TAFA4: variants seen among roughly 807,000 people sequenced by gnomAD.
The protein encoded by TAFA4 is TAFA chemokine like family member 4.
TAFA4 carries 20 observed loss-of-function variants against 21.1 expected under a neutral mutation model. The ratio of observed to expected loss-of-function variants is 0.95; its 90% confidence interval spans 0.67 to 1.38. The LOEUF (loss-of-function observed/expected upper bound fraction) is 1.38, where lower values mean the gene tolerates loss of function less well. TAFA4 is among the 40% of genes most tolerant of loss of function. The pLI is 0.00. For missense variants in TAFA4, 211 were observed against 180.9 expected (o/e 1.17, Z -0.95); for synonymous variants, 71 against 67.4 (o/e 1.05, Z -0.26).
chr3:68,801,681 A>G (rs1023963737), intron 3 of TAFA4, among the ~76,000 whole-genome samples: 1 of 152,190 alleles, frequency 6.6e-6, no homozygotes, highest in Admixed American at 6.5e-5. Context: ...AACAGTAAAT[A>G]TTTTAGGCTT....
At chr3:68,743,649 T>G (rs373281662) in intron 4 of TAFA4, among the ~76,000 whole-genome samples, 1 of 152,106 alleles carries the variant, frequency 6.6e-6, no homozygotes, top group East Asian at 1.9e-4. Flanking sequence ...CCCTTGCAGC[T>G]TCATGGAGCT....
chr3:68,783,713 A>AAG (rs1553641277), intron 3 of TAFA4, among the ~76,000 whole-genome samples: 5,728 of 79,816 alleles, frequency 0.072, 641 homozygotes, highest in African/African-American at 0.23. Context: ...GAGAGAAAGA[A>AAG]AAAGAAAGAA....
chr3:68,808,440 T>A (rs1703751523), intron 3 of TAFA4, among the ~76,000 whole-genome samples: 1 of 152,180 alleles, frequency 6.6e-6, no homozygotes, highest in African/African-American at 2.4e-5. Flanking sequence ...CCAAATTATC[T>A]TCAAGTGTTG....
chr3:68,785,528 C>T (rs1303270852), intron 3 of TAFA4, among the ~76,000 whole-genome samples: 1 of 152,244 alleles, frequency 6.6e-6, no homozygotes, highest in Non-Finnish European at 1.5e-5. Flanking sequence ...GTGCTAAGCC[C>T]CTCACTGCCC....
chr3:68,805,416 A>G (rs1346271002), intron 3 of TAFA4, among the ~76,000 whole-genome samples: 1 of 152,258 alleles, frequency 6.6e-6, no homozygotes, highest in Non-Finnish European at 1.5e-5. Context: ...AGGATCTAGA[A>G]CTAGAAATAC....
intron 1 of TAFA4, among the ~76,000 whole-genome samples, chr3:68,910,829 C>T (rs1352030364): frequency 6.6e-6 from 1 of 152,150 alleles, no homozygotes; most frequent in African/African-American, 2.4e-5. Context: ...ATCTCATGTG[C>T]AATCAGATTC....
intron 3 of TAFA4, among the ~76,000 whole-genome samples, chr3:68,820,443 T>C (rs546415988): frequency 8.6e-5 from 13 of 151,876 alleles, no homozygotes; most frequent in African/African-American, 2.9e-4. Context: ...CTTTGGGAGG[T>C]TGAGGCAGGG....
intron 3 of TAFA4, among the ~76,000 whole-genome samples, chr3:68,796,938 G>A (rs1703463612): frequency 6.6e-6 from 1 of 152,034 alleles, no homozygotes; most frequent in Non-Finnish European, 1.5e-5. Flanking sequence ...ACAAAAACCT[G>A]CTCCCTTTCA....
rs577669086 is a variant in TAFA4, at chr3:68,806,665, A to T, written c.131-53647T>A. Among the ~76,000 whole-genome samples, 18 of 152,226 alleles carry T rather than the reference A, an allele frequency of 1.2e-4. 1 individual carries two copies. Among genetic ancestry groups the T allele is most frequent in the African/African-American group, 4.3e-4 (18 of 41,552 alleles). On this transcript the variant is annotated intron_variant, in intron 3 of 5. Transcript: ENST00000295569. ...CAATATGATGGTGGTAGAAGGTAGG[A>T]CTTCTGGGAGGTAATTAGAATTAGA...
intron 3 of TAFA4, among the ~76,000 whole-genome samples, chr3:68,767,078 T>A (rs1275569549): frequency 2.6e-5 from 4 of 152,184 alleles, no homozygotes; most frequent in Non-Finnish European, 5.9e-5. Flanking sequence ...TTTATTTCAA[T>A]AGCTTTTGGA....
chr3:68,900,086 A>C lies in TAFA4; in HGVS notation c.-122-14776T>G, dbSNP rs1486678702. ...AAACCCTGTCTCTACACACACAAAA[A>C]AAAAAAAAAAACACAAAAATTAGCT... On this transcript the variant is annotated intron_variant, in intron 1 of 5. Coordinates refer to ENST00000295569, the MANE Select transcript of TAFA4 (RefSeq NM_182522.5). 4.5e-4 allele frequency among the ~76,000 whole-genome samples: 63 copies of C among 141,342 alleles called. 1 individual carries two copies. Among genetic ancestry groups the C allele is most frequent in the East Asian group, 2.2e-3 (10 of 4,574 alleles). The allele number at this position is 141,342 out of a possible 152,430, so 92.7% of individuals were successfully genotyped here. A position where few individuals can be genotyped will look rare whatever the true frequency, so the allele number is the denominator to read the frequency against.
chr3:68,817,105 G>C (rs1435156342), intron 3 of TAFA4, among the ~76,000 whole-genome samples: 1 of 152,114 alleles, frequency 6.6e-6, no homozygotes, highest in Non-Finnish European at 1.5e-5. Context: ...CTTATCCACA[G>C]AACTTTCAAA....
At chr3:68,881,584 C>CT (rs1262196675) in intron 2 of TAFA4, among the ~76,000 whole-genome samples, 1 of 152,106 alleles carries the variant, frequency 6.6e-6, no homozygotes, top group Non-Finnish European at 1.5e-5. Flanking sequence ...ACTCGATTAA[C>CT]TTTTTTTGTT....
intron 3 of TAFA4, among the ~76,000 whole-genome samples, 164 bp downstream of exon 3, chr3:68,880,566 G>A (rs2089604392): frequency 1.3e-5 from 2 of 152,314 alleles, no homozygotes; most frequent in East Asian, 1.9e-4. Flanking sequence ...GACTCTTAAA[G>A]CACTAAACCA....
chr3:68,882,327 A>G (rs1483989174), intron 2 of TAFA4, among the ~76,000 whole-genome samples: 1 of 151,878 alleles, frequency 6.6e-6, no homozygotes, highest in Non-Finnish European at 1.5e-5. Context: ...TGTGCTTTAA[A>G]AAAAAAAAAG....
intron 3 of TAFA4, among the ~76,000 whole-genome samples, chr3:68,842,320 T>C (rs1367788640): frequency 2.0e-5 from 3 of 152,230 alleles, no homozygotes; most frequent in Non-Finnish European, 2.9e-5. Flanking sequence ...TTTTTTCATA[T>C]GTTTGCTGGC....
Position 68,765,571 on chromosome 3 carries a change from AT to A in TAFA4, c.131-12554del, listed in dbSNP as rs199883913. Among the ~76,000 whole-genome samples, 5 of 152,332 alleles carry A rather than the reference AT, an allele frequency of 3.3e-5. No homozygotes were observed. The East Asian group carries it at 9.6e-4, about 29-fold the overall frequency. On this transcript the variant is annotated intron_variant, in intron 3 of 5. Coordinates refer to ENST00000295569, the MANE Select transcript of TAFA4 (RefSeq NM_182522.5). ...ATGTGGCACCATGAATCTCTCTTTA[AT>A]AGCACTTAGCAGTACCAGATTTCAA...
chr3:68,908,462 T>G (rs542263908), intron 1 of TAFA4, among the ~76,000 whole-genome samples: 1 of 151,820 alleles, frequency 6.6e-6, no homozygotes, highest in Non-Finnish European at 1.5e-5. Flanking sequence ...TCCACTAAAT[T>G]TGGGAATGAC....
rs568611104 is a variant in TAFA4, at chr3:68,903,037, T to C, written c.-122-17727A>G. On this transcript the variant is annotated intron_variant, in intron 1 of 5. Coordinates refer to ENST00000295569, the MANE Select transcript of TAFA4 (RefSeq NM_182522.5). ...TTAAAAAAAATCAGGGACAGGACTC[T>C]GGAGAGCATCCCAGCACCCTCCCTC... Among the ~76,000 whole-genome samples, 9 of 152,280 alleles carry C rather than the reference T, an allele frequency of 5.9e-5. 1 individual carries two copies. In the South Asian group the frequency reaches 1.9e-3, roughly 32 times the overall value.
Sources: allele counts gnomAD v4.1 joint callset (sites outside exome capture counted in the v4.1 genomes callset), GRCh38; gene constraint gnomAD v4.1.1; transcripts MANE v1.5; gene names NCBI Gene and HGNC (gene_info 2026-07-23, HGNC 2026-07-21).